The following MBTPS1 variants were observed in gnomAD, a reference collection of about 807,000 sequenced individuals.
The protein encoded by MBTPS1 is membrane bound transcription factor peptidase, site 1.
Under a neutral mutation model 127.8 loss-of-function variants are expected in MBTPS1, and 94 were observed. The observed-to-expected ratio is 0.74, with a 90% CI of 0.62 to 0.87. MBTPS1 has a LOEUF of 0.87. Ranked by LOEUF, MBTPS1 falls within the 40% of genes least tolerant of loss-of-function variation. The probability of loss-of-function intolerance (pLI) is 0.00; values close to 1 mark genes in which losing one functional copy is unlikely to be tolerated. For missense variants in MBTPS1, 1,636 were observed against 1,353.2 expected (o/e 1.21, Z -3.28); for synonymous variants, 632 against 509.4 (o/e 1.24, Z -3.24).
chr16:84,082,370 T>A (rs928208533), intron 10 of MBTPS1, among the ~76,000 whole-genome samples: 1 of 152,124 alleles, frequency 6.6e-6, no homozygotes, highest in Non-Finnish European at 1.5e-5. Context: ...GACCGCCGCC[T>A]CCAAAGCCAA....
chr16:84,091,673 T>C (rs1231719533), intron 7 of MBTPS1, 59 bp downstream of exon 7: 16 of 1,143,592 alleles, frequency 1.4e-5, no homozygotes, highest in Middle Eastern at 1.9e-4. Context: ...TGATGCAAAG[T>C]TGGGCTGCGA....
At chr16:84,074,237 C>CTT (rs779174930) in intron 12 of MBTPS1, among the ~76,000 whole-genome samples, 2 of 144,438 alleles carry the variant, frequency 1.4e-5, no homozygotes, top group African/African-American at 2.5e-5. Context: ...GGGCTATTTC[C>CTT]TTTTTTTTTT....
At chr16:84,067,625 C>A in intron 16 of MBTPS1, 42 bp downstream of exon 16, 1 of 1,167,624 alleles carries the variant, frequency 8.6e-7, no homozygotes, top group Non-Finnish European at 1.2e-6. Flanking sequence ...GAATTTGATT[C>A]CCCAAAAGTC....
intron 1 of MBTPS1, among the ~76,000 whole-genome samples, chr16:84,104,956 G>A (rs955974427): frequency 1.3e-5 from 2 of 151,818 alleles, no homozygotes; most frequent in African/African-American, 4.8e-5. Flanking sequence ...ACAAAAATTA[G>A]TTGGGCATTG....
intron 20 of MBTPS1, 117 bp from the exon 21 acceptor site, chr16:84,059,545 C>G: frequency 3.2e-6 from 3 of 947,074 alleles, no homozygotes; most frequent in Non-Finnish European, 4.7e-6. Context: ...GCACAGAGCC[C>G]CTGTGCTCTA....
At chr16:84,061,598 C>T (rs558621592) in intron 19 of MBTPS1, 2 of 152,230 alleles carry the variant, frequency 1.3e-5, no homozygotes, top group Non-Finnish European at 2.9e-5. Context: ...GGGGTGGAGG[C>T]AAGGCTCAAC....
intron 1 of MBTPS1, among the ~76,000 whole-genome samples, chr16:84,107,823 G>A (rs1164226992): frequency 6.6e-6 from 1 of 150,876 alleles, no homozygotes; most frequent in Non-Finnish European, 1.5e-5. Context: ...TCCTACCTCA[G>A]CCTACCAAGT....
In MBTPS1 at chr16:84,060,767, C is replaced by G. The variant is rs1223112142; in HGVS notation, c.2619G>C (p.Gly873=). ...LDALLQYTSY[G]VTPPSLSHSG... ...AGTGACTGAGGCTAGGCGGTGTCAC[C>G]CCATACGATGTGTACTGGAGGAGGG... The change falls in exon 20 of 23, where the codon GGG becomes GGC. Residue 873 remains glycine (G), a synonymous_variant. Coordinates refer to ENST00000343411, the MANE Select transcript of MBTPS1 (RefSeq NM_003791.4). 6.2e-7 allele frequency: 1 copy of G among 1,606,892 alleles called. No homozygotes were observed. Among genetic ancestry groups the G allele is most frequent in the East Asian group, 2.2e-5 (1 of 44,662 alleles).
In MBTPS1 at chr16:84,101,707, T is replaced by C. The variant is rs2086258970; in HGVS notation, c.77A>G (p.Glu26Gly). The change falls in exon 2 of 23, where the codon GAA becomes GGA. Residue 26 changes from glutamate to glycine, a missense_variant. Glu to Gly is a moderately conservative substitution (Grantham distance 98). Transcript: ENST00000343411. Reference protein sequence around the residue: ...CGKKHLGDRLEKKSFEKAPCP... With the variant: ...CGKKHLGDRLGKKSFEKAPCP... ...TGGGGCCTTTTCAAAAGATTTCTTT[T>C]CCAGTCTGTCGCCCAGATGTTTCTT... 6.2e-7 allele frequency: 1 copy of C among 1,614,000 alleles called. No individual in the cohort carries two copies. Among genetic ancestry groups the C allele is most frequent in the Non-Finnish European group, 8.5e-7 (1 of 1,180,016 alleles).
At chr16:84,055,379 G>C (rs1227689742) in intron 22 of MBTPS1, among the ~76,000 whole-genome samples, 1 of 152,204 alleles carries the variant, frequency 6.6e-6, no homozygotes, top group South Asian at 2.1e-4. Context: ...TAAACTCTTT[G>C]GAAGAGTACA....
intron 11 of MBTPS1, among the ~76,000 whole-genome samples, chr16:84,079,666 G>C (rs1417504232): frequency 1.3e-5 from 2 of 152,154 alleles, no homozygotes; most frequent in Non-Finnish European, 2.9e-5. Flanking sequence ...TCTCACTGTT[G>C]GAGAATGGAG....
chr16:84,059,577 G>A (rs571496011), intron 20 of MBTPS1, 149 bp from the exon 21 acceptor site: 11 of 649,608 alleles, frequency 1.7e-5, no homozygotes, highest in African/African-American at 5.5e-5. Context: ...TCCATGAGCC[G>A]CAGGAGCCAC....
chr16:84,067,776 T>A lies in MBTPS1; in HGVS notation c.2119A>T (p.Ile707Phe). The change falls in exon 16 of 23, where the codon ATC (isoleucine) becomes TTC (phenylalanine). Residue 707 changes from isoleucine (I) to phenylalanine (F), a missense_variant. Physicochemically the swap from Ile to Phe is conservative, Grantham distance 21. Coordinates refer to ENST00000343411, the MANE Select transcript of MBTPS1 (RefSeq NM_003791.4). ...TCCACGTCCCTCCGGAGCTTGGCGA[T>A]CTCTTCAGGGAAGTACTCCTCCTCA... ...DSEEEYFPEE[I>F]AKLRRDVDNG... 1.2e-6 allele frequency: 2 copies of A among 1,614,110 alleles called. No homozygotes were observed. Among genetic ancestry groups the A allele is most frequent in the Non-Finnish European group, 1.7e-6 (2 of 1,179,966 alleles).
chr16:84,116,220 C>G (rs2086474970), intron 1 of MBTPS1, among the ~76,000 whole-genome samples: 1 of 152,212 alleles, frequency 6.6e-6, no homozygotes, highest in Non-Finnish European at 1.5e-5. Context: ...TGACGATCCA[C>G]AACGGTCTTA....
intron 11 of MBTPS1, among the ~76,000 whole-genome samples, chr16:84,077,234 G>GAAAA (rs1191331764): frequency 1.1e-4 from 11 of 100,300 alleles, no homozygotes; most frequent in South Asian, 3.4e-4. Flanking sequence ...CATTAAAAAA[G>GAAAA]AAAAAAAAAA....
In MBTPS1 at chr16:84,066,556, C is replaced by T. The variant is rs2151145062; in HGVS notation, c.2286G>A (p.Leu762=). ...GANIPALNEL[L]SVWNMGFSDG... is the part of the protein sequence containing the mutation. The stretch of plus-strand genomic sequence containing the variant: ...CGCTGAACCCCATGTTCCACACAGA[C>T]AGCAGCTCATTCAGAGCTGGGATGT... Residue 762 remains leucine (L), a synonymous_variant, in exon 17 of 23, where the codon CTG becomes CTA. Coordinates refer to ENST00000343411, the MANE Select transcript of MBTPS1 (RefSeq NM_003791.4). 6.2e-7 allele frequency: 1 copy of T among 1,614,194 alleles called. No individual in the cohort carries two copies. The highest frequency in any genetic ancestry group is 8.5e-7 in the Non-Finnish European group (1 of 1,180,004).
chr16:84,093,640 C>A, intron 5 of MBTPS1, 71 bp downstream of exon 5: 1 of 1,059,052 alleles, frequency 9.4e-7, no homozygotes, highest in South Asian at 1.3e-5. Context: ...GCTGGACAGA[C>A]TGTGGAATCA....
In MBTPS1 at chr16:84,101,593, T is replaced by C. The variant is rs769860107; in HGVS notation, c.163+28A>G. Reference sequence around the variant, plus strand: ...AAGCTTTAAAAAAATAGGATGGGAGTTCCTAATACTTAAGACAACATCATT... The same window carrying C: ...AAGCTTTAAAAAAATAGGATGGGAGCTCCTAATACTTAAGACAACATCATT... On this transcript the variant is annotated intron_variant, in intron 2 of 22. Transcript: ENST00000343411. 11 of 1,547,428 alleles carry C rather than the reference T, an allele frequency of 7.1e-6. No individual in the cohort carries two copies. In the South Asian group the frequency reaches 9.7e-5, roughly 14 times the overall value.
intron 14 of MBTPS1, among the ~76,000 whole-genome samples, 188 bp downstream of exon 14, chr16:84,069,678 C>T (rs1047849778): frequency 6.6e-6 from 1 of 152,216 alleles, no homozygotes; most frequent in Non-Finnish European, 1.5e-5. Flanking sequence ...CATAATCATA[C>T]TTGTGAAAGT....
Sources: allele counts gnomAD v4.1 joint callset (sites outside exome capture counted in the v4.1 genomes callset), GRCh38; gene constraint gnomAD v4.1.1; transcripts MANE v1.5; gene names NCBI Gene and HGNC (gene_info 2026-07-23, HGNC 2026-07-21).